Variants in DMD observed in about 807,000 individuals in gnomAD.
The protein encoded by DMD is mutant dystrophin.
DMD carries 63 observed loss-of-function variants against 330.1 expected under a neutral mutation model. The observed-to-expected ratio is 0.19, with a 90% CI of 0.16 to 0.24. The LOEUF (loss-of-function observed/expected upper bound fraction) is 0.24, where lower values mean the gene tolerates loss of function less well. DMD is among the 10% of genes least tolerant of loss of function. The pLI, the probability that DMD is intolerant of heterozygous loss-of-function variation, is 1.00. For missense variants in DMD, 3,344 were observed against 2,684.1 expected (o/e 1.25, Z -5.43); for synonymous variants, 1,223 against 959.8 (o/e 1.27, Z -5.07).
chrX:32,385,743 G>C (rs1271758646), intron 33 of DMD, among the ~76,000 whole-genome samples: 1 of 110,293 alleles, frequency 9.1e-6, no homozygotes, highest in Admixed American at 9.7e-5. Context: ...AATAATTACA[G>C]AGACGTAGGT....
intron 56 of DMD, among the ~76,000 whole-genome samples, chrX:31,505,612 C>T (rs1419318482): frequency 9.1e-6 from 1 of 110,434 alleles, no homozygotes; most frequent in Non-Finnish European, 1.9e-5. Flanking sequence ...AAGTCAGACT[C>T]CCTGATTTCT....
chrX:32,526,590 C>A (rs935309692), intron 17 of DMD, among the ~76,000 whole-genome samples: 17 of 111,584 alleles, frequency 1.5e-4, no homozygotes, highest in Non-Finnish European at 1.9e-5. Context: ...GACTCAGCCT[C>A]ATCCAGTTGA....
At chrX:31,545,091 T>C (rs994179687) in intron 55 of DMD, among the ~76,000 whole-genome samples, 3 of 111,990 alleles carry the variant, frequency 2.7e-5, no homozygotes, top group Non-Finnish European at 3.8e-5. Flanking sequence ...CTGTGTTGAA[T>C]AGAAAAAGGG....
intron 77 of DMD, among the ~76,000 whole-genome samples, chrX:31,127,443 T>C (rs190401657): frequency 8.9e-6 from 1 of 112,725 alleles, no homozygotes; most frequent in African/African-American, 3.2e-5. Flanking sequence ...AAGTGTTCTA[T>C]GATAAGTCAT....
At chrX:32,720,416 C>A (rs898706716) in intron 7 of DMD, among the ~76,000 whole-genome samples, 2 of 111,199 alleles carry the variant, frequency 1.8e-5, no homozygotes, top group South Asian at 3.6e-4. Context: ...CGTTTTTTTA[C>A]TTAGCTCACA....
chrX:33,108,127 A>G (rs2095307238), intron 1 of DMD, among the ~76,000 whole-genome samples: 1 of 108,168 alleles, frequency 9.2e-6, no homozygotes, highest in African/African-American at 3.4e-5. Flanking sequence ...TGAAATACGT[A>G]GAACAAATAA....
intron 3 of DMD, among the ~76,000 whole-genome samples, chrX:32,846,780 G>C (rs2080721793): frequency 9.6e-6 from 1 of 104,649 alleles, no homozygotes; most frequent in South Asian, 4.5e-4. Context: ...GGCTGAGGCA[G>C]GTGGCTCATT....
At chrX:33,094,914 A>G (rs1471819432) in intron 1 of DMD, among the ~76,000 whole-genome samples, 1 of 111,695 alleles carries the variant, frequency 9.0e-6, no homozygotes, top group African/African-American at 3.2e-5. Context: ...GGGGTAGCCA[A>G]GATTTTTAAA....
intron 6 of DMD, among the ~76,000 whole-genome samples, chrX:32,815,626 T>C (rs1312289405): frequency 5.6e-5 from 6 of 107,910 alleles, no homozygotes; most frequent in Admixed American, 5.1e-4. Context: ...CATATACATA[T>C]GTATTTCCTA....
intron 51 of DMD, among the ~76,000 whole-genome samples, chrX:31,746,900 C>A (rs148040469): frequency 9.0e-6 from 1 of 110,830 alleles, no homozygotes; most frequent in Admixed American, 9.7e-5. Context: ...TACCTTTGGA[C>A]GTACATATAA....
intron 78 of DMD, 28 bp from the exon 79 acceptor site, chrX:31,121,958 A>G: frequency 1.8e-6 from 2 of 1,095,347 alleles, no homozygotes; most frequent in Non-Finnish European, 2.5e-6. Context: ...AGAAAGACAG[A>G]CTTTACAAAA....
Position 31,622,846 on chromosome X carries a change from TTATATATATA to T in DMD, c.8217+4817_8217+4826del, listed in dbSNP as rs757102035. ...ATTAATAAAAGTTCTCAGAAAAATT[TTATATATATA>T]TATATATATATATATATATATACAC... On this transcript the variant is annotated intron_variant, in intron 55 of 78. Coordinates refer to ENST00000357033, the MANE Select transcript of DMD (RefSeq NM_004006.3). Among the ~76,000 whole-genome samples, 436 of 74,163 alleles carry T rather than the reference TTATATATATA, an allele frequency of 5.9e-3. 4 individuals carry two copies. Among genetic ancestry groups the T allele is most frequent in the African/African-American group, 0.02 (399 of 19,620 alleles). The allele number at this position is 74,163 out of a possible 115,157, so 64.4% of individuals were successfully genotyped here.
intron 41 of DMD, among the ~76,000 whole-genome samples, chrX:32,329,450 A>G (rs1603630875): frequency 8.9e-6 from 1 of 112,154 alleles, no homozygotes; most frequent in East Asian, 2.8e-4. Flanking sequence ...GCAAGTTTAA[A>G]GAAGAGGAGG....
chrX:33,109,228 C>T (rs928216138), intron 1 of DMD, among the ~76,000 whole-genome samples: 3 of 111,019 alleles, frequency 2.7e-5, no homozygotes, highest in Non-Finnish European at 5.7e-5. Flanking sequence ...CATTCAGGTC[C>T]CTGCTGGTTT....
chrX:32,185,678 C>A (rs926250968), intron 44 of DMD, among the ~76,000 whole-genome samples: 1 of 110,977 alleles, frequency 9.0e-6, no homozygotes, highest in Non-Finnish European at 1.9e-5. Flanking sequence ...TCTTGAAAAT[C>A]CTTTGTTCAA....
intron 44 of DMD, among the ~76,000 whole-genome samples, chrX:32,088,116 A>C (rs1569541507): frequency 8.9e-6 from 1 of 112,326 alleles, no homozygotes; most frequent in East Asian, 2.8e-4. Context: ...CCATATGTTA[A>C]ATTGGGCTAC....
At chrX:31,381,297 G>C (rs940972507) in intron 60 of DMD, among the ~76,000 whole-genome samples, 1 of 111,423 alleles carries the variant, frequency 9.0e-6, no homozygotes, top group Non-Finnish European at 1.9e-5. Context: ...ATCACGTCCT[G>C]TAGCCTTTTT....
chrX:32,746,593 A>G (rs993706092), intron 7 of DMD, among the ~76,000 whole-genome samples: 1 of 112,025 alleles, frequency 8.9e-6, no homozygotes, highest in Non-Finnish European at 1.9e-5. Flanking sequence ...ATAATTATGC[A>G]TATTTAGGAG....
intron 52 of DMD, among the ~76,000 whole-genome samples, chrX:31,704,389 G>A (rs926912510): frequency 9.0e-6 from 1 of 111,071 alleles, no homozygotes; most frequent in African/African-American, 3.3e-5. Flanking sequence ...ATATGGCTAC[G>A]AAATACAGGA....
Sources: gnomAD v4.1 joint callset for allele counts (sites outside exome capture counted in the v4.1 genomes callset) on GRCh38, gnomAD v4.1.1 for gene constraint, MANE v1.5 for transcripts, NCBI Gene and HGNC (gene_info 2026-07-23, HGNC 2026-07-21) for gene names.